The following GNL3L variants were observed in gnomAD, a reference collection of about 807,000 sequenced individuals.
GNL3L encodes the protein guanine nucleotide-binding protein-like 3-like protein.
GNL3L carries 4 observed loss-of-function variants against 42.9 expected under a neutral mutation model. That is an observed-to-expected ratio of 0.09 (90% confidence interval 0.05 to 0.21). GNL3L has a LOEUF of 0.21. Ranked by LOEUF, GNL3L falls within the 10% of genes least tolerant of loss-of-function variation. The pLI is 1.00. For synonymous variants in GNL3L, 159 were observed against 176.3 expected, an observed-to-expected ratio of 0.90 and a Z score of 0.78; for missense variants, 412 against 481.7, an observed-to-expected ratio of 0.86 and a Z score of 1.36.
At chrX:54,586,340 C>A (rs1296367679) in intron 16 of GNL3L, among the ~76,000 whole-genome samples, 1 of 110,934 alleles carries the variant, frequency 9.0e-6, no homozygotes, top group Non-Finnish European at 1.9e-5. Context: ...GGTTATTGCT[C>A]CAGAGGAAGC....
In GNL3L at chrX:54,542,000, A is replaced by G. The variant is rs928193569; in HGVS notation, c.306+611A>G. Among the ~76,000 whole-genome samples, 35 of 111,557 alleles carry G rather than the reference A, an allele frequency of 3.1e-4. 1 individual carries two copies. Among genetic ancestry groups the G allele is most frequent in the Non-Finnish European group, 1.3e-4 (7 of 53,066 alleles). On this transcript the variant is annotated intron_variant, in intron 5 of 15. Coordinates refer to ENST00000360845, the MANE Select transcript of GNL3L (RefSeq NM_001184819.2). The stretch of plus-strand genomic sequence containing the variant: ...AGCACACGTATACACATAGGCGCAC[A>G]CATGAACCATGGGGTTCTGTCCATT...
At chrX:54,545,617 A>C (rs1924748528) in intron 8 of GNL3L, among the ~76,000 whole-genome samples, 1 of 112,161 alleles carries the variant, frequency 8.9e-6, no homozygotes, top group African/African-American at 3.2e-5. Context: ...ATGGTTTGTA[A>C]AATATTAATA....
At chrX:54,533,057 G>C (rs1203568198) in intron 2 of GNL3L, among the ~76,000 whole-genome samples, 1 of 111,987 alleles carries the variant, frequency 8.9e-6, no homozygotes, top group African/African-American at 3.2e-5. Flanking sequence ...TTCCTTGTAA[G>C]AGAATGTTTC....
chrX:54,552,361 C>G lies in GNL3L; in HGVS notation c.1251C>G (p.Ile417Met). The change falls in exon 13 of 16, where the codon ATC becomes ATG. Residue 417 changes from isoleucine (I) to methionine (M), a missense_variant. Ile to Met is a conservative substitution (Grantham distance 10). Coordinates refer to ENST00000360845, the MANE Select transcript of GNL3L (RefSeq NM_001184819.2). The part of the protein sequence containing the change: ...HTLPTHLSAE[I>M]VKEMTEVFDI... ...TGCCCACCCATCTCAGTGCTGAGAT[C>G]GTTAAGGAAATGACCGAGGTCTTTG... 8.3e-7 allele frequency: 1 copy of G among 1,205,429 alleles called. No individual in the cohort carries two copies. Among genetic ancestry groups the G allele is most frequent in the Non-Finnish European group, 1.1e-6 (1 of 889,809 alleles).
chrX:54,634,787 CTTTTTT>C, the GNL3L span, among the ~76,000 whole-genome samples: 1 of 51,589 alleles, frequency 1.9e-5, no homozygotes. Flanking sequence ...GCGCCCGGCT[CTTTTTT>C]TTTTTTTTTT....
chrX:54,601,071 A>G (rs919882958), intron 16 of GNL3L, among the ~76,000 whole-genome samples: 1 of 112,071 alleles, frequency 8.9e-6, no homozygotes, highest in African/African-American at 3.2e-5. Context: ...TTGATACATT[A>G]AGCTAAGTGA....
chrX:54,622,585 G>A (rs969892151), downstream of GNL3L, among the ~76,000 whole-genome samples: 3 of 109,773 alleles, frequency 2.7e-5, no homozygotes, highest in African/African-American at 6.6e-5. Flanking sequence ...GCACCCGGCC[G>A]AGTTGCATGA....
chrX:54,540,441 T>C (rs1262148231), intron 4 of GNL3L, among the ~76,000 whole-genome samples, 199 bp downstream of exon 4: 1 of 112,147 alleles, frequency 8.9e-6, no homozygotes, highest in East Asian at 2.8e-4. Flanking sequence ...GTCTGGCTTA[T>C]GCTTCCACTG....
chrX:54,576,142 AT>A (rs1925632070), intron 16 of GNL3L, among the ~76,000 whole-genome samples: 1 of 111,633 alleles, frequency 9.0e-6, no homozygotes. Flanking sequence ...CCATATTATT[AT>A]TCAGTTGTCT....
downstream of GNL3L, among the ~76,000 whole-genome samples, chrX:54,571,052 C>T (rs1342004306): frequency 9.0e-6 from 1 of 111,007 alleles, no homozygotes; most frequent in East Asian, 2.8e-4. Context: ...TTTTGTATGT[C>T]TGAATGTATT....
At chrX:54,590,217 C>T (rs1925849949) in intron 16 of GNL3L, among the ~76,000 whole-genome samples, 1 of 111,981 alleles carries the variant, frequency 8.9e-6, no homozygotes, top group East Asian at 2.8e-4. Context: ...GGATTATAGG[C>T]GTGAGCCACC....
Position 54,552,572 on chromosome X carries a change from C to G in GNL3L, c.1318+144C>G, listed in dbSNP as rs565669714. The G allele has an allele frequency of 1.2e-4, 62 of 501,496 alleles. No individual in the cohort carries two copies. In the South Asian group the frequency reaches 2.4e-3, roughly 19 times the overall value. The allele number at this position is 501,496 out of a possible 1,213,427, so 41.3% of individuals were successfully genotyped here. On this transcript the variant is annotated intron_variant, in intron 13 of 15. Coordinates refer to ENST00000360845, the MANE Select transcript of GNL3L (RefSeq NM_001184819.2). ...GCTTAAGCAGCTTCAGGCCTAATTT[C>G]TTTTCTTGCAAGGTGGGGAATTCTA...
chrX:54,612,503 G>A (rs1378007135), intron 16 of GNL3L, among the ~76,000 whole-genome samples: 1 of 111,452 alleles, frequency 9.0e-6, no homozygotes, highest in African/African-American at 3.3e-5. Context: ...TTTTTAACAT[G>A]TATTTTTCTT....
At chrX:54,531,471 GTATTAGGGCTGATC>G (rs1924245094) in intron 1 of GNL3L, among the ~76,000 whole-genome samples, 1 of 110,678 alleles carries the variant, frequency 9.0e-6, no homozygotes, top group African/African-American at 3.3e-5. Context: ...CCACCCCCAA[GTATTAGGGCTGATC>G]TATTAATTTA....
At position 54,558,482 on chromosome X, in the gene GNL3L, T is replaced by C. The variant is rs1468684989; in HGVS notation, c.1493T>C (p.Met498Thr). The C allele has an allele frequency of 8.3e-7, 1 of 1,206,484 alleles. No individual in the cohort carries two copies. The highest frequency in any genetic ancestry group is 1.8e-5 in the African/African-American group (1 of 56,940). Reference sequence around the variant, plus strand: ...TGCACCAATCCGAACCGTCATCAGATGGGGTGGGCTAAACGCAATGTGGAC... The same window carrying C: ...TGCACCAATCCGAACCGTCATCAGACGGGGTGGGCTAAACGCAATGTGGAC... ...GYCTNPNRHQ[M>T]GWAKRNVDHR... Residue 498 changes from methionine (M) to threonine (T), a missense_variant, in exon 15 of 16, where the codon ATG (methionine) becomes ACG (threonine). Transcript: ENST00000360845.
the GNL3L span, among the ~76,000 whole-genome samples, chrX:54,633,728 C>T: frequency 1.3e-3 from 144 of 111,921 alleles, 1 homozygote; most frequent in African/African-American, 3.8e-3. Context: ...TCCCACACAG[C>T]CAGCAAGGCC....
At chrX:54,609,930 G>C (rs1407201199) in intron 16 of GNL3L, among the ~76,000 whole-genome samples, 1 of 111,466 alleles carries the variant, frequency 9.0e-6, no homozygotes, top group Admixed American at 9.6e-5. Flanking sequence ...TTTGTAGATT[G>C]CTTTTGGCAG....
At chrX:54,609,185 C>T (rs781029479) in intron 16 of GNL3L, among the ~76,000 whole-genome samples, 1 of 111,697 alleles carries the variant, frequency 9.0e-6, no homozygotes, top group South Asian at 3.7e-4. Context: ...TGTCCTTATC[C>T]CATGTTTTGA....
chrX:54,628,516 A>T, the GNL3L span, among the ~76,000 whole-genome samples: 1 of 111,131 alleles, frequency 9.0e-6, no homozygotes, highest in Admixed American at 9.6e-5. Flanking sequence ...CCATGCCAAC[A>T]TCTATTATTT....
Sources: gnomAD v4.1 joint callset for allele counts (sites outside exome capture counted in the v4.1 genomes callset) on GRCh38, gnomAD v4.1.1 for gene constraint, MANE v1.5 for transcripts, NCBI Gene and HGNC (gene_info 2026-07-23, HGNC 2026-07-21) for gene names.